Variants in FSTL4 observed in about 807,000 individuals in gnomAD.
FSTL4 encodes follistatin like 4, also known as follistatin-related protein 4.
A neutral mutation model predicts 78.2 loss-of-function variants in FSTL4; 28 were observed. The observed-to-expected ratio is 0.36, with a 90% confidence interval of 0.27 to 0.49. The LOEUF is 0.49. Among genes scored for constraint, FSTL4 ranks in the 20% least tolerant of loss-of-function variants. The pLI is 0.98. For synonymous variants in FSTL4, 422 were observed against 440.5 expected, an observed-to-expected ratio of 0.96 and a Z score of 0.53; for missense variants, 922 against 1,084.9, an observed-to-expected ratio of 0.85 and a Z score of 2.11.
chr5:133,782,894 G>A, the FSTL4 span, among the ~76,000 whole-genome samples: 1 of 152,152 alleles, frequency 6.6e-6, no homozygotes, highest in South Asian at 2.1e-4. Context: ...AGAACCTCAC[G>A]CTGCTCTATG....
the FSTL4 span, among the ~76,000 whole-genome samples, chr5:133,751,253 G>A: frequency 1.8e-4 from 27 of 152,324 alleles, no homozygotes; most frequent in African/African-American, 6.5e-4. Context: ...ACAGGCCCTT[G>A]CTTCTCACTG....
At chr5:133,252,825 TGGGAGA>T in intron 6 of FSTL4, among the ~76,000 whole-genome samples, 1 of 152,230 alleles carries the variant, frequency 6.6e-6, no homozygotes, top group South Asian at 2.1e-4. Flanking sequence ...AAAATCCAAG[TGGGAGA>T]CGGAAGTCTT....
At chr5:133,419,798 G>T (rs1402971001) in intron 3 of FSTL4, among the ~76,000 whole-genome samples, 1 of 152,116 alleles carries the variant, frequency 6.6e-6, no homozygotes, top group Non-Finnish European at 1.5e-5. Context: ...TAAATTTAGT[G>T]GCATATTACT....
the FSTL4 span, among the ~76,000 whole-genome samples, chr5:133,652,280 C>A: frequency 6.6e-6 from 1 of 151,336 alleles, no homozygotes; most frequent in Non-Finnish European, 1.5e-5. Flanking sequence ...TTTTTCTTTT[C>A]TTCTGATTAC....
At chr5:133,721,946 C>T in the FSTL4 span, among the ~76,000 whole-genome samples, 1 of 152,174 alleles carries the variant, frequency 6.6e-6, no homozygotes. Context: ...TCATAAGTCC[C>T]ATAGACTGTC....
intron 4 of FSTL4, among the ~76,000 whole-genome samples, chr5:133,352,964 C>T (rs78507801): frequency 0.013 from 2,052 of 152,226 alleles, 57 homozygotes; most frequent in African/African-American, 0.047. Context: ...TACATAAGCC[C>T]ATAATTTACA....
the FSTL4 span, among the ~76,000 whole-genome samples, chr5:133,747,535 A>T: frequency 6.6e-6 from 1 of 152,122 alleles, no homozygotes; most frequent in African/African-American, 2.4e-5. Context: ...GGCTCAGCCT[A>T]CCCACCCCAG....
chr5:133,729,396 A>C, the FSTL4 span, among the ~76,000 whole-genome samples: 1 of 152,138 alleles, frequency 6.6e-6, no homozygotes, highest in South Asian at 2.1e-4. Context: ...CATTTGTAAA[A>C]CAGGTATAAT....
the FSTL4 span, among the ~76,000 whole-genome samples, chr5:133,728,903 T>C: frequency 6.6e-6 from 1 of 152,072 alleles, no homozygotes; most frequent in Non-Finnish European, 1.5e-5. Flanking sequence ...AAGGATAAAG[T>C]GTAGCTCAGC....
At chr5:133,656,926 T>G in the FSTL4 span, among the ~76,000 whole-genome samples, 1 of 152,156 alleles carries the variant, frequency 6.6e-6, no homozygotes, top group Admixed American at 6.5e-5. Flanking sequence ...TGTGGTTGGA[T>G]TCTGGCTATT....
chr5:133,354,701 G>A (rs1271640567), intron 4 of FSTL4, among the ~76,000 whole-genome samples: 1 of 152,208 alleles, frequency 6.6e-6, no homozygotes, highest in Admixed American at 6.5e-5. Context: ...GTATAACTAA[G>A]GGCACAGCAC....
chr5:133,670,341 AAACT>A, the FSTL4 span, among the ~76,000 whole-genome samples: 2 of 152,248 alleles, frequency 1.3e-5, no homozygotes, highest in Non-Finnish European at 2.9e-5. Context: ...CAGGCTGAGA[AAACT>A]ACTAAGCTGT....
rs796671857 is a variant in FSTL4 at position 133,558,631 on chromosome 5, G to GT, written c.160+8554dup. 1.0e-3 allele frequency among the ~76,000 whole-genome samples: 149 copies of GT among 146,752 alleles called. 1 individual carries two copies. Among genetic ancestry groups the GT allele is most frequent in the East Asian group, 6.1e-3 (31 of 5,066 alleles). On this transcript the variant is annotated intron_variant, in intron 3 of 15. Transcript: ENST00000265342. ...TTCAACATTTTGTGAAAAGGTTTTT[G>GT]TTTTTTTTTTTCTTTTTAATGCAGG... is the stretch of plus-strand genomic sequence containing the variant.
chr5:133,335,268 A>G (rs1162134711), intron 4 of FSTL4, among the ~76,000 whole-genome samples: 7 of 152,130 alleles, frequency 4.6e-5, no homozygotes, highest in Admixed American at 3.3e-4. Context: ...GCCAATGTGT[A>G]AGGCCTGAGG....
At chr5:133,591,070 C>T (rs1760615244) in intron 2 of FSTL4, among the ~76,000 whole-genome samples, 1 of 152,176 alleles carries the variant, frequency 6.6e-6, no homozygotes, top group Non-Finnish European at 1.5e-5. Context: ...AACCATAGTA[C>T]CCCAGGAGCC....
intron 7 of FSTL4, among the ~76,000 whole-genome samples, chr5:133,242,867 C>T (rs1460045497): frequency 6.6e-6 from 1 of 152,216 alleles, no homozygotes; most frequent in Non-Finnish European, 1.5e-5. Flanking sequence ...AATGCAGAGC[C>T]TACAACCACT....
intron 2 of FSTL4, among the ~76,000 whole-genome samples, chr5:133,567,821 T>C (rs930102773): frequency 6.6e-6 from 1 of 152,258 alleles, no homozygotes; most frequent in African/African-American, 2.4e-5. Flanking sequence ...TATTGATGCT[T>C]ACTATGCGCA....
At chr5:133,826,664 C>G in the FSTL4 span, among the ~76,000 whole-genome samples, 2 of 152,218 alleles carry the variant, frequency 1.3e-5, no homozygotes, top group African/African-American at 4.8e-5. Flanking sequence ...AGGAGTATCA[C>G]CCCATCTCAA....
intron 3 of FSTL4, among the ~76,000 whole-genome samples, chr5:133,566,308 G>T (rs1382151990): frequency 6.6e-6 from 1 of 152,134 alleles, no homozygotes; most frequent in Non-Finnish European, 1.5e-5. Flanking sequence ...TTGCTGTGTT[G>T]CATAACACAA....
Sources: allele counts gnomAD v4.1 joint callset (sites outside exome capture counted in the v4.1 genomes callset), GRCh38; gene constraint gnomAD v4.1.1; transcripts MANE v1.5; gene names NCBI Gene and HGNC (gene_info 2026-07-23, HGNC 2026-07-21).